MCTP1: variants seen among roughly 807,000 people sequenced by gnomAD.
The protein encoded by MCTP1 is multiple C2 and transmembrane domain-containing protein 1.
Under a neutral mutation model 120.6 loss-of-function variants are expected in MCTP1, and 69 were observed. The ratio of observed to expected loss-of-function variants is 0.57; its 90% CI spans 0.47 to 0.70. MCTP1 has a LOEUF of 0.70. MCTP1 is among the 30% of genes least tolerant of loss of function. The pLI is 0.00. For synonymous variants in MCTP1, 529 were observed against 493.1 expected (o/e 1.07, Z -0.96); for missense variants, 1,203 against 1,248.8 (o/e 0.96, Z 0.55).
chr5:94,986,357 A>G (rs1341143422), intron 2 of MCTP1, among the ~76,000 whole-genome samples: 2 of 152,134 alleles, frequency 1.3e-5, no homozygotes, highest in East Asian at 3.8e-4. Flanking sequence ...AGCAATGTAT[A>G]CCCACTGGTT....
intron 17 of MCTP1, among the ~76,000 whole-genome samples, chr5:94,819,323 G>A (rs1785159682): frequency 6.6e-6 from 1 of 151,950 alleles, no homozygotes; most frequent in Non-Finnish European, 1.5e-5. Context: ...TAGAGACGGA[G>A]TTTCACCATG....
At chr5:94,947,667 G>T (rs1819469418) in intron 3 of MCTP1, among the ~76,000 whole-genome samples, 2 of 146,964 alleles carry the variant, frequency 1.4e-5, no homozygotes, top group African/African-American at 5.0e-5. Flanking sequence ...CCAGGCTGGA[G>T]TGCAGTGACA....
At chr5:94,832,006 C>T (rs1788619577) in intron 17 of MCTP1, among the ~76,000 whole-genome samples, 1 of 152,178 alleles carries the variant, frequency 6.6e-6, no homozygotes, top group Admixed American at 6.5e-5. Context: ...GAATCCTTTA[C>T]TGATCAAGTA....
At chr5:95,212,499 C>T (rs1458643577) in intron 1 of MCTP1, among the ~76,000 whole-genome samples, 1 of 152,030 alleles carries the variant, frequency 6.6e-6, no homozygotes, top group Non-Finnish European at 1.5e-5. Context: ...GGGAATCCTC[C>T]CTAACTCATT....
chr5:95,226,264 G>C (rs1206424050), intron 1 of MCTP1, among the ~76,000 whole-genome samples: 1 of 152,042 alleles, frequency 6.6e-6, no homozygotes, highest in East Asian at 1.9e-4. Context: ...TTTTTTGGGG[G>C]AAAGCATGTT....
intron 17 of MCTP1, among the ~76,000 whole-genome samples, chr5:94,825,630 G>A (rs976443971): frequency 2.6e-5 from 4 of 152,080 alleles, no homozygotes; most frequent in Non-Finnish European, 5.9e-5. Flanking sequence ...GTCTAATATT[G>A]ACAGTGGGGT....
intron 1 of MCTP1, among the ~76,000 whole-genome samples, chr5:95,172,957 A>G (rs1004346889): frequency 1.3e-5 from 2 of 152,186 alleles, no homozygotes; most frequent in Non-Finnish European, 2.9e-5. Context: ...TACACATGGT[A>G]ATTTTCACAG....
chr5:95,028,266 G>A (rs1165730689), intron 1 of MCTP1, among the ~76,000 whole-genome samples: 1 of 152,084 alleles, frequency 6.6e-6, no homozygotes, highest in Non-Finnish European at 1.5e-5. Context: ...AGAATGCATG[G>A]TTATAATGGT....
chr5:95,224,484 AT>A (rs1409671251), intron 1 of MCTP1, among the ~76,000 whole-genome samples: 5 of 149,762 alleles, frequency 3.3e-5, no homozygotes, highest in Non-Finnish European at 7.4e-5. Flanking sequence ...AGTCAACAAT[AT>A]TTTAGGTGCA....
intron 1 of MCTP1, among the ~76,000 whole-genome samples, chr5:95,104,573 C>T (rs1318583188): frequency 6.6e-6 from 1 of 152,202 alleles, no homozygotes; most frequent in Non-Finnish European, 1.5e-5. Flanking sequence ...GATGGTGGCA[C>T]ATAGGACCCT....
At chr5:95,162,890 TG>T (rs1384654331) in intron 1 of MCTP1, among the ~76,000 whole-genome samples, 3 of 152,184 alleles carry the variant, frequency 2.0e-5, no homozygotes, top group Admixed American at 6.6e-5. Context: ...CACAAAATAT[TG>T]GCAGGAACTA....
intron 12 of MCTP1, among the ~76,000 whole-genome samples, chr5:94,873,505 A>AT (rs1798210757): frequency 6.6e-6 from 1 of 152,146 alleles, no homozygotes; most frequent in East Asian, 1.9e-4. Flanking sequence ...TCAATTTGCA[A>AT]TTTTTTAAAG....
rs150131091 is a variant in MCTP1, at chr5:95,235,188, A to G, written c.720+48668T>C. ...ATTTCAAAAATCAATGTAATTCACT[A>G]TATCAACAAACACAAAAATAAAATC... is the stretch of plus-strand genomic sequence containing the variant. On this transcript the variant is annotated intron_variant, in intron 1 of 22. Coordinates refer to ENST00000515393, the MANE Select transcript of MCTP1 (RefSeq NM_024717.7). Among the ~76,000 whole-genome samples, 300 of 152,072 alleles carry G rather than the reference A, an allele frequency of 2.0e-3. 1 individual carries two copies. Among genetic ancestry groups the G allele is most frequent in the African/African-American group, 6.9e-3 (287 of 41,560 alleles).
intron 5 of MCTP1, among the ~76,000 whole-genome samples, chr5:94,935,528 T>G (rs1339160613): frequency 6.6e-6 from 1 of 152,042 alleles, no homozygotes; most frequent in African/African-American, 2.4e-5. Context: ...ATTTCCTATT[T>G]GATTGTTAGG....
At chr5:95,262,277 A>C (rs1033548952) in intron 1 of MCTP1, among the ~76,000 whole-genome samples, 1 of 152,216 alleles carries the variant, frequency 6.6e-6, no homozygotes, top group Non-Finnish European at 1.5e-5. Context: ...TCACAGGATC[A>C]CAGGTGATTT....
chr5:95,104,882 A>C (rs1386924035), intron 1 of MCTP1, among the ~76,000 whole-genome samples: 1 of 152,230 alleles, frequency 6.6e-6, no homozygotes, highest in Admixed American at 6.6e-5. Context: ...CTGCACATTT[A>C]AATGGCTGGG....
intron 1 of MCTP1, among the ~76,000 whole-genome samples, chr5:95,048,212 C>A (rs1318352843): frequency 6.6e-6 from 1 of 151,946 alleles, no homozygotes; most frequent in African/African-American, 2.4e-5. Context: ...TCTTTTTTAG[C>A]CATTAGTTGA....
chr5:95,065,965 A>G (rs766219247), intron 1 of MCTP1, among the ~76,000 whole-genome samples: 35 of 152,138 alleles, frequency 2.3e-4, no homozygotes, highest in Non-Finnish European at 3.8e-4. Flanking sequence ...TGTTTTTTGG[A>G]TAAGACCTCA....
chr5:94,977,470 A>C lies in MCTP1; in HGVS notation c.839-24109T>G, dbSNP rs886179150. On this transcript the variant is annotated intron_variant, in intron 2 of 22. Transcript: ENST00000515393. ...TTTTTTACAGAAATAGAAAAAAAAA[A>C]CCCTAAAATTCATATGGAACCACAG... Among the ~76,000 whole-genome samples, 8 of 151,834 alleles carry C rather than the reference A, an allele frequency of 5.3e-5. No individual in the cohort carries two copies. In the South Asian group the frequency reaches 6.2e-4, roughly 12 times the overall value.
Sources: allele counts gnomAD v4.1 joint callset (sites outside exome capture counted in the v4.1 genomes callset), GRCh38; gene constraint gnomAD v4.1.1; transcripts MANE v1.5; gene names NCBI Gene and HGNC (gene_info 2026-07-23, HGNC 2026-07-21).